The following KLHDC2 variants were observed in gnomAD, a reference collection of about 807,000 sequenced individuals.
KLHDC2 encodes the protein kelch domain-containing protein 2.
Under a neutral mutation model 62.3 loss-of-function variants are expected in KLHDC2, and 38 were observed. The observed-to-expected ratio is 0.61, with a 90% CI of 0.47 to 0.80. The LOEUF (loss-of-function observed/expected upper bound fraction) is 0.80, where lower values mean the gene tolerates loss of function less well. KLHDC2 is among the 30% of genes least tolerant of loss of function. The pLI is 0.00. For synonymous variants in KLHDC2, 159 were observed against 161.0 expected (o/e 0.99, Z 0.09); for missense variants, 430 against 495.3 (o/e 0.87, Z 1.25).
At chr14:49,777,702 T>C in intron 3 of KLHDC2, 137 bp from the exon 4 acceptor site, 1 of 550,948 alleles carries the variant, frequency 1.8e-6, no homozygotes, top group East Asian at 3.1e-5. Context: ...CTGAGCAGTC[T>C]GGCAGCCAGT....
intron 2 of KLHDC2, among the ~76,000 whole-genome samples, chr14:49,772,985 CTAAAAA>C (rs1001862579): frequency 1.3e-5 from 2 of 152,030 alleles, no homozygotes; most frequent in East Asian, 1.9e-4. Flanking sequence ...CAGTTACAAA[CTAAAAA>C]TAAGTCATGA....
intron 2 of KLHDC2, among the ~76,000 whole-genome samples, chr14:49,772,817 A>G (rs1010097903): frequency 6.6e-6 from 1 of 152,134 alleles, no homozygotes; most frequent in Non-Finnish European, 1.5e-5. Flanking sequence ...TTAGCCAGGC[A>G]TGATGGCAGG....
chr14:49,779,790 T>C lies in KLHDC2; in HGVS notation c.757T>C (p.Trp253Arg). 1 of 1,609,050 alleles carries C rather than the reference T, an allele frequency of 6.2e-7. No individual in the cohort carries two copies. Among genetic ancestry groups the C allele is most frequent in the Non-Finnish European group, 8.5e-7 (1 of 1,176,770 alleles). ...TCTTCACTATCTTAATCTGGATACA[T>C]GGGAGTGGAATGAATTGTAGGTATC... The part of the protein sequence containing the change: ...NDLHYLNLDT[W>R]EWNELIPQGI... The change falls in exon 8 of 13, where the codon TGG becomes CGG. Residue 253 changes from tryptophan (W) to arginine (R), a missense_variant. Transcript: ENST00000298307.
In KLHDC2 at chr14:49,785,175, C is replaced by CA; in HGVS notation, c.*2226dup. ...TACATGTGTTACTAAATAGACGTTA[C>CA]AAAACAATTCACAAAAGCCATTCTG... On this transcript the variant is annotated 3_prime_UTR_variant, in exon 13 of 13. Transcript: ENST00000298307. 6.2e-7 allele frequency: 1 copy of CA among 1,601,730 alleles called. No individual in the cohort carries two copies. Among genetic ancestry groups the CA allele is most frequent in the Non-Finnish European group, 8.6e-7 (1 of 1,168,896 alleles).
chr14:49,781,713 T>A (rs1431315205), intron 10 of KLHDC2, among the ~76,000 whole-genome samples: 1 of 149,400 alleles, frequency 6.7e-6, no homozygotes, highest in African/African-American at 2.5e-5. Flanking sequence ...AAAAAAAAAA[T>A]ACATGGGGAA....
intron 2 of KLHDC2, among the ~76,000 whole-genome samples, chr14:49,774,086 A>G (rs1889721505): frequency 3.3e-5 from 5 of 152,208 alleles, no homozygotes; most frequent in Admixed American, 1.3e-4. Flanking sequence ...ACATGGCACT[A>G]CCTGTTTGTA....
rs1889817146 is a variant in KLHDC2 at position 49,778,431 on chromosome 14, A to G, written c.570A>G (p.Gly190=). Residue 190 remains glycine, a synonymous_variant, in exon 6 of 13, where the codon GGA becomes GGG. Transcript: ENST00000298307. ...TSFWNSSHPR[G]WNDHVHILDT... is the part of the protein sequence containing the mutation. The stretch of plus-strand genomic sequence containing the variant: ...TGTAGAATTCAAGTCATCCAAGAGG[A>G]TGGAATGATCATGTACATATTTTAG... 3.2e-6 allele frequency: 5 copies of G among 1,585,086 alleles called. No individual in the cohort carries two copies. The highest frequency in any genetic ancestry group is 2.0e-4 in the Middle Eastern group (1 of 5,086).
In KLHDC2 at chr14:49,768,487, G is replaced by T. The variant is rs150088126; in HGVS notation, c.19G>T (p.Asp7Tyr). Residue 7 changes from aspartate to tyrosine, a missense_variant, in exon 1 of 13, where the codon GAT becomes TAT. Physicochemically the swap from Asp to Tyr is radical, Grantham distance 160. Transcript: ENST00000298307. ...CCTCAAGATGGCTGATGGCAACGAG[G>T]ATCTGCGGGCTGACGACTTGCCTGG... MADGNEDLRADDLPGPA... is the reference protein window; with the variant it reads MADGNEYLRADDLPGPA... 5.0e-6 allele frequency: 8 copies of T among 1,610,254 alleles called. No individual in the cohort carries two copies. Among genetic ancestry groups the T allele is most frequent in the East Asian group, 4.5e-5 (2 of 44,446 alleles).
chr14:49,768,379 C>G lies in KLHDC2; in HGVS notation c.-90C>G, dbSNP rs1282183826. ...TTTCGCCACCGCCTTTTCCTTGCCT[C>G]GCGCCGCTGTGCATTTCTCTCCTTT... On this transcript the variant is annotated 5_prime_UTR_variant, in exon 1 of 13. Transcript: ENST00000298307. 20 of 1,409,258 alleles carry G rather than the reference C, an allele frequency of 1.4e-5. 1 individual carries two copies. The East Asian group carries it at 5.3e-4, about 37-fold the overall frequency. The allele number at this position is 1,409,258 out of a possible 1,614,324, so 87.3% of individuals were successfully genotyped here.
At chr14:49,781,143 C>G (rs1185028596) in intron 10 of KLHDC2, among the ~76,000 whole-genome samples, 1 of 152,082 alleles carries the variant, frequency 6.6e-6, no homozygotes, top group Non-Finnish European at 1.5e-5. Flanking sequence ...GAGGCTGAGG[C>G]AGGTGGATCA....
intron 3 of KLHDC2, among the ~76,000 whole-genome samples, chr14:49,775,634 T>TCG (rs1889755796): frequency 6.8e-6 from 1 of 147,002 alleles, no homozygotes; most frequent in Non-Finnish European, 1.5e-5. Flanking sequence ...TTTTTTTTTT[T>TCG]TTTTCGGATG....
In KLHDC2 at chr14:49,785,765, G is replaced by C; in HGVS notation, c.*2812G>C. ...TAGCTGGGTATAGTGGGTGCCTGTA[G>C]TCCCAGCTACTCGGAAGACTGAGGG... On this transcript the variant is annotated 3_prime_UTR_variant, in exon 13 of 13. Transcript: ENST00000298307. 5.9e-6 allele frequency: 1 copy of C among 168,548 alleles called. No individual in the cohort carries two copies. The highest frequency in any genetic ancestry group is 1.4e-4 in the South Asian group (1 of 7,004). 10.4% of individuals were successfully genotyped at this position (168,548 alleles called of 1,614,324 possible). A position where few individuals can be genotyped will look rare whatever the true frequency, so the allele number is the denominator to read the frequency against.
Position 49,771,609 on chromosome 14 carries a change from G to A in KLHDC2, c.169G>A (p.Gly57Arg). The change falls in exon 2 of 13, where the codon GGA (glycine) becomes AGA (arginine). Residue 57 changes from glycine to arginine, a missense_variant. Coordinates refer to ENST00000298307, the MANE Select transcript of KLHDC2 (RefSeq NM_014315.3). ...TTATTCTTAGAGTAATCAAGTCAGA[G>A]GATTATATGACTTTTATCTGCCTAG... Reference protein sequence around the residue: ...WGGYKSNQVRGLYDFYLPREE... With the variant: ...WGGYKSNQVRRLYDFYLPREE... The A allele has an allele frequency of 1.4e-6, 2 of 1,473,304 alleles. No homozygotes were observed. Among genetic ancestry groups the A allele is most frequent in the South Asian group, 2.3e-5 (2 of 87,760 alleles). The allele number at this position is 1,473,304 out of a possible 1,614,324, so 91.3% of individuals were successfully genotyped here.
At chr14:49,774,459 T>C (rs1594700384) in intron 2 of KLHDC2, 102 bp from the exon 3 acceptor site, 1 of 779,030 alleles carries the variant, frequency 1.3e-6, no homozygotes, top group East Asian at 2.5e-5. Context: ...TGCCTTCTCA[T>C]TTTATTCCTT....
rs1458164636 is a variant in KLHDC2, at chr14:49,778,266, G to T, written c.549+7G>T. 1 of 1,579,616 alleles carries T rather than the reference G, an allele frequency of 6.3e-7. No homozygotes were observed. The highest frequency in any genetic ancestry group is 8.7e-7 in the Non-Finnish European group (1 of 1,151,386). On this transcript the variant is annotated splice_region_variant and intron_variant, in intron 5 of 12. Coordinates refer to ENST00000298307, the MANE Select transcript of KLHDC2 (RefSeq NM_014315.3). The stretch of plus-strand genomic sequence containing the variant: ...CGATGAAACATCTTTTTGGGTAAGT[G>T]AAGTTTCATATTTGCATATGGCCTC...
Position 49,784,011 on chromosome 14 carries a change from G to GCAAT in KLHDC2, c.*1062_*1065dup, listed in dbSNP as rs930404291. 1.3e-5 allele frequency: 2 copies of GCAAT among 151,882 alleles called. No homozygotes were observed. Among genetic ancestry groups the GCAAT allele is most frequent in the African/African-American group, 4.8e-5 (2 of 41,352 alleles). The allele number at this position is 151,882 out of a possible 1,614,324, so 9.4% of individuals were successfully genotyped here. On this transcript the variant is annotated 3_prime_UTR_variant, in exon 13 of 13. Transcript: ENST00000298307. ...TAGACTTACCAAGTCAATAGTTTAA[G>GCAAT]CAATCAAGCCACTTCACTGTTCAGT... is the stretch of plus-strand genomic sequence containing the variant.
At chr14:49,771,787 G>A (rs1445730895) in intron 2 of KLHDC2, 114 bp downstream of exon 2, 3 of 597,474 alleles carry the variant, frequency 5.0e-6, no homozygotes, top group East Asian at 3.0e-5. Context: ...CGGATCTCTC[G>A]AGGTCAAGAG....
At chr14:49,774,510 T>G in intron 2 of KLHDC2, 51 bp from the exon 3 acceptor site, 2 of 1,127,044 alleles carry the variant, frequency 1.8e-6, no homozygotes, top group Admixed American at 1.7e-5. Flanking sequence ...ATTAATAGAC[T>G]TTTGCATTTC....
At chr14:49,768,755 G>C (rs545142807) in intron 1 of KLHDC2, 134 bp downstream of exon 1, 5 of 795,668 alleles carry the variant, frequency 6.3e-6, no homozygotes, top group Non-Finnish European at 9.2e-6. Context: ...CTCAGACTCT[G>C]CCCGTTGGTT....
Sources: allele counts gnomAD v4.1 joint callset (sites outside exome capture counted in the v4.1 genomes callset), GRCh38; gene constraint gnomAD v4.1.1; transcripts MANE v1.5; gene names NCBI Gene and HGNC (gene_info 2026-07-23, HGNC 2026-07-21).